Variants in ARHGEF10 observed in about 807,000 individuals in gnomAD.
ARHGEF10 encodes Rho guanine nucleotide exchange factor (GEF) 10.
In ARHGEF10, 140 loss-of-function variants were observed where a neutral mutation model predicts 147.4. That is an observed-to-expected ratio of 0.95 (90% confidence interval 0.83 to 1.09). ARHGEF10 has a LOEUF of 1.09. Among genes scored for constraint, ARHGEF10 ranks in the 50% least tolerant of loss-of-function variants. ARHGEF10 has a pLI of 0.00. For synonymous variants in ARHGEF10, 902 were observed against 695.8 expected, an observed-to-expected ratio of 1.30 and a Z score of -4.67; for missense variants, 2,222 against 1,752.7, an observed-to-expected ratio of 1.27 and a Z score of -4.78.
chr8:1,930,388 C>G (rs1384209668), intron 25 of ARHGEF10, among the ~76,000 whole-genome samples: 1 of 152,196 alleles, frequency 6.6e-6, no homozygotes, highest in African/African-American at 2.4e-5. Flanking sequence ...CCAGCTCCCG[C>G]CTGGATGGCA....
intron 22 of ARHGEF10, 21 bp downstream of exon 22, chr8:1,925,425 C>T (rs550562977): frequency 3.5e-5 from 57 of 1,613,302 alleles, no homozygotes; most frequent in Admixed American, 5.0e-5. Context: ...GCAGGGCCCG[C>T]GGCCCGGGGT....
chr8:1,827,211 C>T (rs1230573381), intron 1 of ARHGEF10, among the ~76,000 whole-genome samples: 1 of 152,260 alleles, frequency 6.6e-6, no homozygotes, highest in Non-Finnish European at 1.5e-5. Context: ...ACATCTGCCA[C>T]CCTACTCTGC....
chr8:1,874,038 G>A (rs1254982081), intron 7 of ARHGEF10, among the ~76,000 whole-genome samples: 1 of 152,210 alleles, frequency 6.6e-6, no homozygotes, highest in Non-Finnish European at 1.5e-5. Flanking sequence ...ATAAGTCGAT[G>A]GCGCTGCCTG....
intron 7 of ARHGEF10, among the ~76,000 whole-genome samples, chr8:1,872,940 A>G (rs1460695329): frequency 6.6e-6 from 1 of 152,096 alleles, no homozygotes; most frequent in Non-Finnish European, 1.5e-5. Flanking sequence ...ACCAAAGGTT[A>G]GTTGATGTAA....
chr8:1,922,130 G>C (rs748797635), intron 18 of ARHGEF10, among the ~76,000 whole-genome samples: 1 of 152,036 alleles, frequency 6.6e-6, no homozygotes, highest in Non-Finnish European at 1.5e-5. Context: ...TAGTGAGGAA[G>C]TATTTGAACA....
chr8:1,889,131 T>TGTGAGTGGGGTGAGGGGTGTAAGGGGAAA (rs1809134735), intron 11 of ARHGEF10, among the ~76,000 whole-genome samples: 2 of 61,248 alleles, frequency 3.3e-5, no homozygotes, highest in African/African-American at 1.0e-4. Flanking sequence ...GAGGAGACAC[T>TGTGAGTGGGGTGAGGGGTGTAAGGGGAAA]GTGAGTGGGG....
At position 1,958,098 on chromosome 8, in the gene ARHGEF10, C is replaced by T. The variant is rs1304204828; in HGVS notation, c.*835C>T. On this transcript the variant is annotated 3_prime_UTR_variant, in exon 29 of 29. Transcript: ENST00000349830. The stretch of plus-strand genomic sequence containing the variant: ...GTGCTTTAGTATTAGAGGAGATAGG[C>T]AGAGAAGTCTTGCTTAGTTCCTTCG... 2 of 152,234 alleles carry T rather than the reference C, an allele frequency of 1.3e-5. No homozygotes were observed. Among genetic ancestry groups the T allele is most frequent in the Admixed American group, 6.5e-5 (1 of 15,282 alleles). 9.4% of individuals were successfully genotyped at this position (152,234 alleles called of 1,614,324 possible).
chr8:1,888,179 G>A (rs1162321402), intron 11 of ARHGEF10, among the ~76,000 whole-genome samples: 3 of 66,482 alleles, frequency 4.5e-5, no homozygotes, highest in African/African-American at 3.8e-4. Context: ...GACAGTGAGT[G>A]GGGTGAGGGT....
rs1221190200 is a variant in ARHGEF10 at position 1,948,388 on chromosome 8, G to A, written c.3397+2733G>A. ...GTCCAGATGGAGTGCCGTGCTTCTC[G>A]TTGGCAGGTTTCTCCGGCATTTCGG... is the stretch of plus-strand genomic sequence containing the variant. On this transcript the variant is annotated intron_variant, in intron 27 of 28. Coordinates refer to ENST00000349830, the MANE Select transcript of ARHGEF10 (RefSeq NM_014629.4). The surrounding 1 kb of genome is among the most constrained non-coding windows in gnomAD (Gnocchi z 4.9). 1.3e-5 allele frequency among the ~76,000 whole-genome samples: 2 copies of A among 152,156 alleles called. No individual in the cohort carries two copies. The highest frequency in any genetic ancestry group is 2.4e-5 in the African/African-American group (1 of 41,446).
intron 9 of ARHGEF10, among the ~76,000 whole-genome samples, chr8:1,882,082 T>C (rs1290262108): frequency 6.6e-6 from 1 of 152,156 alleles, no homozygotes; most frequent in Non-Finnish European, 1.5e-5. Context: ...ATCCGCAGCG[T>C]GCTGCACCCC....
chr8:1,890,635 A>C (rs1411861174), intron 11 of ARHGEF10, among the ~76,000 whole-genome samples: 1 of 126,506 alleles, frequency 7.9e-6, no homozygotes, highest in Non-Finnish European at 1.7e-5. Context: ...CACTGAGTGC[A>C]GTGAGGGTTG....
chr8:1,882,262 G>C (rs917687529), intron 9 of ARHGEF10, among the ~76,000 whole-genome samples: 1 of 152,230 alleles, frequency 6.6e-6, no homozygotes, highest in African/African-American at 2.4e-5. Context: ...AGGTTAAAAG[G>C]CTGAACTGGA....
chr8:1,853,717 G>A (rs143689932), intron 2 of ARHGEF10, among the ~76,000 whole-genome samples: 2,054 of 152,336 alleles, frequency 0.013, 20 homozygotes, highest in Middle Eastern at 0.024. Context: ...GTTGCAGGCC[G>A]GAAGTCCCAG....
At chr8:1,950,595 C>T (rs1232927535) in intron 27 of ARHGEF10, among the ~76,000 whole-genome samples, 2 of 151,804 alleles carry the variant, frequency 1.3e-5, no homozygotes, top group East Asian at 1.9e-4. Context: ...TGCAGTGGTG[C>T]GATCTTGGCT....
rs761312396 is a variant in ARHGEF10 at position 1,858,048 on chromosome 8, G to C, written c.126G>C (p.Ala42=). 3 of 1,614,122 alleles carry C rather than the reference G, an allele frequency of 1.9e-6. No homozygotes were observed. The highest frequency in any genetic ancestry group is 1.6e-4 in the Middle Eastern group (1 of 6,062). The change falls in exon 3 of 29, where the codon GCG becomes GCC. Residue 42 remains alanine, a synonymous_variant. Coordinates refer to ENST00000349830, the MANE Select transcript of ARHGEF10 (RefSeq NM_014629.4). The stretch of plus-strand genomic sequence containing the variant: ...ACAGTGGAGATGAAATCCCAGAAGC[G>C]GACAGACAGGCCCCATCCGCCCCTG... The part of the protein sequence containing the change: ...DFDSGDEIPE[A]DRQAPSAPET...
At chr8:1,889,532 GAGACACTGAGTAGGGTAAGGA>G (rs1456456928) in intron 11 of ARHGEF10, among the ~76,000 whole-genome samples, 5 of 93,116 alleles carry the variant, frequency 5.4e-5, no homozygotes, top group African/African-American at 1.9e-4. Flanking sequence ...GGGTATTGAG[GAGACACTGAGTAGGGTAAGGA>G]GTCTGTGTGG....
chr8:1,841,653 G>C (rs34035647), intron 1 of ARHGEF10, among the ~76,000 whole-genome samples: 55,833 of 151,298 alleles, frequency 0.37, 10,663 homozygotes, highest in East Asian at 0.4. Context: ...GCCTGATGAT[G>C]TGAAAGGGCT....
intron 13 of ARHGEF10, among the ~76,000 whole-genome samples, chr8:1,895,234 TGTATGAATCATACTTATTGTA>T (rs1258137266): frequency 6.6e-6 from 1 of 152,262 alleles, no homozygotes; most frequent in Non-Finnish European, 1.5e-5. Flanking sequence ...CCTCACTCCG[TGTATGAATCATACTTATTGTA>T]TATTGGTTGG....
intron 14 of ARHGEF10, 43 bp from the exon 15 acceptor site, chr8:1,898,390 T>C (rs1449833526): frequency 3.2e-6 from 5 of 1,576,374 alleles, no homozygotes; most frequent in South Asian, 1.1e-5. Flanking sequence ...AGGGAGGGCA[T>C]GGCAGCCCTG....
Sources: allele counts gnomAD v4.1 joint callset (sites outside exome capture counted in the v4.1 genomes callset), GRCh38; gene constraint gnomAD v4.1.1; non-coding constraint Gnocchi (gnomAD v3.1); transcripts MANE v1.5; gene names NCBI Gene and HGNC (gene_info 2026-07-23, HGNC 2026-07-21).